The following DDX31 variants were observed in gnomAD, a reference collection of about 807,000 sequenced individuals.
The protein encoded by DDX31 is DEAD-box helicase 31, also known as ATP-dependent DNA helicase DDX31.
Under a neutral mutation model 91.3 loss-of-function variants are expected in DDX31, and 70 were observed. The ratio of observed to expected loss-of-function variants is 0.77; its 90% CI spans 0.63 to 0.94. The LOEUF is 0.94. Ranked by LOEUF, DDX31 falls within the 40% of genes least tolerant of loss-of-function variation. DDX31 has a pLI of 0.00. For synonymous variants in DDX31, 362 were observed against 350.6 expected (o/e 1.03, Z -0.36); for missense variants, 902 against 925.0 (o/e 0.98, Z 0.32).
rs1013146046 is a variant in DDX31 at position 132,593,507 on chromosome 9, G to A, written c.*1359C>T. 3.9e-5 allele frequency: 6 copies of A among 152,158 alleles called. No individual in the cohort carries two copies. Among genetic ancestry groups the A allele is most frequent in the South Asian group, 2.1e-4 (1 of 4,830 alleles). The allele number at this position is 152,158 out of a possible 1,614,324, so 9.4% of individuals were successfully genotyped here. On this transcript the variant is annotated 3_prime_UTR_variant, in exon 20 of 20. Coordinates refer to ENST00000372159, the MANE Select transcript of DDX31 (RefSeq NM_022779.9). ...TTTTTTAATTATTATTGTTAGAAAC[G>A]TCACCCACAGTCCCTGTTAATTTGT...
Position 132,630,416 on chromosome 9 carries a change from AC to A in DDX31, c.1492-14del, listed in dbSNP as rs773002070. 4 of 1,576,280 alleles carry A rather than the reference AC, an allele frequency of 2.5e-6. No homozygotes were observed. The highest frequency in any genetic ancestry group is 3.5e-6 in the Non-Finnish European group (4 of 1,150,440). ...ATGGAGCGTTGTACTAAAAAGGGTA[AC>A]AAAAATGAAGGCATTCATAGATCAA... On this transcript the variant is annotated splice_polypyrimidine_tract_variant and intron_variant, in intron 15 of 19. Coordinates refer to ENST00000372159, the MANE Select transcript of DDX31 (RefSeq NM_022779.9).
intron 17 of DDX31, among the ~76,000 whole-genome samples, chr9:132,622,469 G>A (rs1303298700): frequency 1.3e-5 from 2 of 152,142 alleles, no homozygotes; most frequent in African/African-American, 2.4e-5. Flanking sequence ...CAGCTGCTCC[G>A]CTCCTTCTCT....
chr9:132,625,763 C>A lies in DDX31; in HGVS notation c.1632-18G>T, dbSNP rs991928432. 5 of 1,608,188 alleles carry A rather than the reference C, an allele frequency of 3.1e-6. No homozygotes were observed. Among genetic ancestry groups the A allele is most frequent in the Non-Finnish European group, 3.4e-6 (4 of 1,177,032 alleles). On this transcript the variant is annotated intron_variant, in intron 16 of 19. Transcript: ENST00000372159. ...CAGAAACGCTGTAAAAGGAAGGGCACAGCAAGGTAACTTTTTGCTCTTTCA... is the reference window on the plus strand; with the variant it reads ...CAGAAACGCTGTAAAAGGAAGGGCAAAGCAAGGTAACTTTTTGCTCTTTCA...
In DDX31 at chr9:132,652,494, T is replaced by C; in HGVS notation, c.589-2A>G. ...CAGGGCATAGGGGCCATCACTGCGC[T>C]GTTGACACACAGAAAAAAAATGCCA... is the stretch of plus-strand genomic sequence containing the variant. On this transcript the variant is annotated splice_acceptor_variant, in intron 6 of 19. Coordinates refer to ENST00000372159, the MANE Select transcript of DDX31 (RefSeq NM_022779.9). LOFTEE classifies it high-confidence loss of function. 6.2e-7 allele frequency: 1 copy of C among 1,614,036 alleles called. No individual in the cohort carries two copies. Among genetic ancestry groups the C allele is most frequent in the Non-Finnish European group, 8.5e-7 (1 of 1,180,008 alleles).
chr9:132,622,369 GAGA>G (rs1015719240), intron 17 of DDX31, among the ~76,000 whole-genome samples: 140 of 149,672 alleles, frequency 9.4e-4, no homozygotes, highest in African/African-American at 3.2e-3. Flanking sequence ...AAGTCTTAAG[GAGA>G]AGAATTTATG....
chr9:132,608,800 A>G (rs1270133676), intron 19 of DDX31, among the ~76,000 whole-genome samples: 1 of 152,194 alleles, frequency 6.6e-6, no homozygotes, highest in African/African-American at 2.4e-5. Context: ...ACCACAGCAT[A>G]ACTCAAGCAC....
chr9:132,614,917 T>G (rs571266865), intron 18 of DDX31, among the ~76,000 whole-genome samples: 2 of 152,280 alleles, frequency 1.3e-5, no homozygotes, highest in African/African-American at 4.8e-5. Flanking sequence ...TGGACTCCCA[T>G]GTTTGGATAA....
At chr9:132,663,599 C>G in intron 1 of DDX31, 7 of 851,430 alleles carry the variant, frequency 8.2e-6, no homozygotes, top group Non-Finnish European at 9.9e-6. Flanking sequence ...CCTTGAGTAG[C>G]CAGTGCTTGT....
intron 16 of DDX31, among the ~76,000 whole-genome samples, chr9:132,626,959 T>A (rs997010560): frequency 6.6e-6 from 1 of 152,154 alleles, no homozygotes; most frequent in South Asian, 2.1e-4. Flanking sequence ...CCTGACTTCA[T>A]GGGAAATCTA....
Position 132,669,976 on chromosome 9 carries a change from C to G in DDX31, c.-42G>C. 1 of 1,575,922 alleles carries G rather than the reference C, an allele frequency of 6.3e-7. No homozygotes were observed. The highest frequency in any genetic ancestry group is 8.6e-7 in the Non-Finnish European group (1 of 1,161,988). ...GCGTGGTGCAGCAGCGAGCCCGGTG[C>G]GCAGACTGCTGGGCCCGGGACCCCA... On this transcript the variant is annotated 5_prime_UTR_variant, in exon 1 of 20. Coordinates refer to ENST00000372159, the MANE Select transcript of DDX31 (RefSeq NM_022779.9).
At chr9:132,658,853 A>G (rs1486801160) in intron 5 of DDX31, 118 bp from the exon 6 acceptor site, 4 of 875,440 alleles carry the variant, frequency 4.6e-6, no homozygotes, top group Non-Finnish European at 6.9e-6. Flanking sequence ...TTCTAGGGAA[A>G]GGGAAACTGC....
Position 132,648,167 on chromosome 9 carries a change from C to T in DDX31, c.967+22G>A, listed in dbSNP as rs757673927. ...CTCTTCATTAAGAACAAAGAAGGACCCATCACTTCTTTTCAACTCACCTTC... is the reference window on the plus strand; with the variant it reads ...CTCTTCATTAAGAACAAAGAAGGACTCATCACTTCTTTTCAACTCACCTTC... On this transcript the variant is annotated intron_variant, in intron 11 of 19. Transcript: ENST00000372159. 14 of 1,569,784 alleles carry T rather than the reference C, an allele frequency of 8.9e-6. 1 individual carries two copies. The highest frequency in any genetic ancestry group is 2.6e-6 in the Non-Finnish European group (3 of 1,147,238).
At chr9:132,645,544 A>G (rs1447237480) in intron 13 of DDX31, among the ~76,000 whole-genome samples, 3 of 152,130 alleles carry the variant, frequency 2.0e-5, no homozygotes, top group Non-Finnish European at 4.4e-5. Flanking sequence ...AAAAAGGCAA[A>G]ACCCTTCCCT....
chr9:132,615,119 C>G (rs1831555787), intron 18 of DDX31, among the ~76,000 whole-genome samples: 1 of 152,166 alleles, frequency 6.6e-6, no homozygotes, highest in African/African-American at 2.4e-5. Context: ...CTACAGGCCA[C>G]CAGAGTTCAG....
intron 18 of DDX31, 35 bp downstream of exon 18, chr9:132,618,295 T>C: frequency 5.1e-6 from 8 of 1,579,736 alleles, no homozygotes; most frequent in Non-Finnish European, 6.9e-6. Flanking sequence ...TCTGCTGGGC[T>C]ATCCACTGCG....
Position 132,645,935 on chromosome 9 carries a change from C to G in DDX31, c.1340G>C (p.Arg447Pro), listed in dbSNP as rs141746751. 5.6e-6 allele frequency: 9 copies of G among 1,613,632 alleles called. No individual in the cohort carries two copies. The highest frequency in any genetic ancestry group is 7.6e-6 in the Non-Finnish European group (9 of 1,179,780). Reference sequence around the variant, plus strand: ...GCCATGCAGCCGTAGGAATTTTAATCGCATGGAGGCAGATGGCAACTGCCC... The same window carrying G: ...GCCATGCAGCCGTAGGAATTTTAATGGCATGGAGGCAGATGGCAACTGCCC... ...ASGQLPSASMRLKFLRLHGGM... is the reference protein window; with the variant it reads ...ASGQLPSASMPLKFLRLHGGM... The change falls in exon 13 of 20, where the codon CGA becomes CCA. Residue 447 changes from arginine to proline, a missense_variant. By Grantham distance (103) the Arg-to-Pro change is moderately radical. Coordinates refer to ENST00000372159, the MANE Select transcript of DDX31 (RefSeq NM_022779.9).
chr9:132,647,780 A>T (rs751446209), intron 11 of DDX31, among the ~76,000 whole-genome samples: 4 of 152,180 alleles, frequency 2.6e-5, no homozygotes, highest in Non-Finnish European at 5.9e-5. Flanking sequence ...CTTCATTGAT[A>T]TATTTTTTAA....
chr9:132,634,585 GTTT>G (rs59296842), intron 14 of DDX31, among the ~76,000 whole-genome samples: 12 of 103,088 alleles, frequency 1.2e-4, no homozygotes, highest in Admixed American at 2.4e-4. Flanking sequence ...TACCTAAGAT[GTTT>G]TTTTTTTTTT....
At chr9:132,632,699 A>G (rs951976396) in intron 14 of DDX31, among the ~76,000 whole-genome samples, 2 of 152,118 alleles carry the variant, frequency 1.3e-5, no homozygotes, top group Non-Finnish European at 2.9e-5. Context: ...CTCAGAGAGC[A>G]GCAAGGATCT....
Sources: allele counts gnomAD v4.1 joint callset (sites outside exome capture counted in the v4.1 genomes callset), GRCh38; gene constraint gnomAD v4.1.1; transcripts MANE v1.5; gene names NCBI Gene and HGNC (gene_info 2026-07-23, HGNC 2026-07-21).